Variants in CRACD observed in about 807,000 individuals in gnomAD.
CRACD encodes capping protein inhibiting regulator of actin dynamics.
In CRACD, 56 loss-of-function variants were observed where a neutral mutation model predicts 106.8. The ratio of observed to expected loss-of-function variants is 0.52; its 90% CI spans 0.42 to 0.66. The LOEUF is 0.66. Among genes scored for constraint, CRACD ranks in the 30% least tolerant of loss-of-function variants. CRACD has a pLI of 0.00. For synonymous variants in CRACD, 754 were observed against 670.8 expected (o/e 1.12, Z -1.92); for missense variants, 1,730 against 1,623.2 (o/e 1.07, Z -1.13).
intron 1 of CRACD, among the ~76,000 whole-genome samples, chr4:56,110,055 A>G (rs1734067798): frequency 6.6e-6 from 1 of 152,206 alleles, no homozygotes. Context: ...ACATTGCAAA[A>G]TATTTGGGAT....
intron 1 of CRACD, among the ~76,000 whole-genome samples, chr4:56,082,706 C>A (rs1037790370): frequency 2.0e-5 from 3 of 151,768 alleles, no homozygotes; most frequent in African/African-American, 7.3e-5. Context: ...AGAAAAGGAG[C>A]CAAGAATTTC....
At chr4:56,193,883 C>A (rs1737489245) in intron 2 of CRACD, among the ~76,000 whole-genome samples, 1 of 152,072 alleles carries the variant, frequency 6.6e-6, no homozygotes, top group South Asian at 2.1e-4. Context: ...TCACTGAGGA[C>A]AGCCTATGAC....
At position 56,324,284 on chromosome 4, in the gene CRACD, T is replaced by A. The variant is rs767087278; in HGVS notation, c.3541+18T>A. On this transcript the variant is annotated intron_variant, in intron 10 of 10. Coordinates refer to ENST00000682029, the MANE Select transcript of CRACD (RefSeq NM_001393381.1). Reference sequence around the variant, plus strand: ...TGTGACAGGTAGAGAGCAGGTCCATTGCTTTGTAACTGTAGTTCCAGGTTT... The same window carrying A: ...TGTGACAGGTAGAGAGCAGGTCCATAGCTTTGTAACTGTAGTTCCAGGTTT... The A allele has an allele frequency of 5.0e-6, 8 of 1,604,944 alleles. No individual in the cohort carries two copies. The South Asian group carries it at 7.8e-5, about 16-fold the overall frequency.
chr4:56,310,799 T>TC, intron 6 of CRACD, 65 bp downstream of exon 6: 1 of 560,738 alleles, frequency 1.8e-6, no homozygotes. Context: ...TCCCCCCCCC[T>TC]TTTTTTTTTT....
At chr4:56,309,084 A>G in intron 5 of CRACD, 1 of 449,446 alleles carries the variant, frequency 2.2e-6, no homozygotes, top group Non-Finnish European at 4.4e-6. Flanking sequence ...CTGGCTGCAC[A>G]GAAAATAAAA....
intron 2 of CRACD, among the ~76,000 whole-genome samples, chr4:56,183,445 G>A (rs980645226): frequency 7.2e-5 from 11 of 152,284 alleles, no homozygotes; most frequent in African/African-American, 1.9e-4. Flanking sequence ...GCATGGTCTT[G>A]AGGACTGCAC....
At position 56,191,175 on chromosome 4, in the gene CRACD, T is replaced by C. The variant is rs758414820; in HGVS notation, c.-189+11745T>C. On this transcript the variant is annotated intron_variant, in intron 2 of 10. Transcript: ENST00000682029. ...GCACTGTAACAAAGTATCATAAACA[T>C]AGTGGCTTAAAACAACACAAATTGT... is the stretch of plus-strand genomic sequence containing the variant. 1.3e-3 allele frequency among the ~76,000 whole-genome samples: 193 copies of C among 150,080 alleles called. 3 individuals are homozygous for C. Among genetic ancestry groups the C allele is most frequent in the Non-Finnish European group, 2.0e-3 (137 of 68,016 alleles).
chr4:56,270,986 T>C (rs1742317520), intron 2 of CRACD, among the ~76,000 whole-genome samples: 1 of 150,768 alleles, frequency 6.6e-6, no homozygotes, highest in Admixed American at 6.6e-5. Context: ...GCGCCTGTGA[T>C]CCCAGCTACT....
In CRACD at chr4:56,314,462, A is replaced by G. The variant is rs1745390541; in HGVS notation, c.960A>G (p.Arg320=). Residue 320 remains arginine (R), a synonymous_variant, in exon 8 of 11, where the codon CGA becomes CGG. Coordinates refer to ENST00000682029, the MANE Select transcript of CRACD (RefSeq NM_001393381.1). The surrounding 1 kb of genome is among the most constrained non-coding windows in gnomAD (Gnocchi z 4.4). ...ERERLEAEEE[R]RRLQAQAQAE... ...AGCGCCTGGAGGCGGAGGAGGAGCGAAGGCGTCTGCAGGCCCAGGCCCAAG... is the reference window on the plus strand; with the variant it reads ...AGCGCCTGGAGGCGGAGGAGGAGCGGAGGCGTCTGCAGGCCCAGGCCCAAG... 4 of 1,529,158 alleles carry G rather than the reference A, an allele frequency of 2.6e-6. No homozygotes were observed. Among genetic ancestry groups the G allele is most frequent in the Non-Finnish European group, 3.5e-6 (4 of 1,137,756 alleles). 94.7% of individuals were successfully genotyped at this position (1,529,158 alleles called of 1,614,324 possible).
intron 1 of CRACD, among the ~76,000 whole-genome samples, chr4:56,151,433 T>A (rs1735575108): frequency 1.3e-5 from 2 of 152,114 alleles, no homozygotes; most frequent in Admixed American, 1.3e-4. Flanking sequence ...ACAGAAAAGT[T>A]GCAAATACAA....
intron 2 of CRACD, among the ~76,000 whole-genome samples, chr4:56,266,169 A>G (rs977616754): frequency 1.5e-4 from 23 of 152,226 alleles, no homozygotes; most frequent in African/African-American, 5.3e-4. Context: ...AGCAGTATAG[A>G]TGCATATGTA....
At chr4:56,219,699 CAT>C (rs1476898885) in intron 2 of CRACD, among the ~76,000 whole-genome samples, 1 of 152,188 alleles carries the variant, frequency 6.6e-6, no homozygotes, top group Non-Finnish European at 1.5e-5. Context: ...TTATGCAACT[CAT>C]GTGATCTTGG....
chr4:56,133,588 A>G (rs571210387), intron 1 of CRACD, among the ~76,000 whole-genome samples: 31 of 152,330 alleles, frequency 2.0e-4, no homozygotes, highest in African/African-American at 7.0e-4. Flanking sequence ...TGGAAGAGAT[A>G]CACTAGTTAA....
intron 2 of CRACD, among the ~76,000 whole-genome samples, chr4:56,193,656 A>G (rs1737476672): frequency 6.6e-6 from 1 of 152,200 alleles, no homozygotes; most frequent in African/African-American, 2.4e-5. Context: ...ATCATTCTTC[A>G]ACAAAATTGC....
chr4:56,118,516 G>A (rs374318646), intron 1 of CRACD, among the ~76,000 whole-genome samples: 4 of 152,196 alleles, frequency 2.6e-5, no homozygotes, highest in South Asian at 4.1e-4. Context: ...TGTTAATTCT[G>A]CCTAAACATT....
At chr4:56,078,572 G>C (rs1380888304) in intron 1 of CRACD, among the ~76,000 whole-genome samples, 1 of 152,040 alleles carries the variant, frequency 6.6e-6, no homozygotes, top group Non-Finnish European at 1.5e-5. Flanking sequence ...ATGCCTGACT[G>C]ATTTTTTTAA....
chr4:56,134,488 C>T (rs763606824), intron 1 of CRACD, among the ~76,000 whole-genome samples: 13 of 152,166 alleles, frequency 8.5e-5, no homozygotes, highest in Admixed American at 2.6e-4. Flanking sequence ...GCATGCTGAG[C>T]TCCAGAACGG....
intron 1 of CRACD, among the ~76,000 whole-genome samples, chr4:56,166,260 G>A (rs533047160): frequency 4.6e-5 from 7 of 152,152 alleles, no homozygotes; most frequent in Admixed American, 1.3e-4. Flanking sequence ...TTATCTTTTG[G>A]AAGTAGTCCA....
intron 9 of CRACD, among the ~76,000 whole-genome samples, chr4:56,323,794 C>G (rs143605109): frequency 1.3e-5 from 2 of 152,188 alleles, no homozygotes; most frequent in South Asian, 4.1e-4. Context: ...ATCCACGATA[C>G]GCTTACAACA....
Sources: gnomAD v4.1 joint callset for allele counts (sites outside exome capture counted in the v4.1 genomes callset) on GRCh38, gnomAD v4.1.1 for gene constraint, Gnocchi (gnomAD v3.1) non-coding constraint, MANE v1.5 for transcripts, NCBI Gene and HGNC (gene_info 2026-07-23, HGNC 2026-07-21) for gene names.